LPP: variants seen among roughly 807,000 people sequenced by gnomAD.
LPP encodes LIM domain containing preferred translocation partner in lipoma.
A neutral mutation model predicts 60.4 loss-of-function variants in LPP; 38 were observed. The observed-to-expected ratio is 0.63, with a 90% CI of 0.49 to 0.83. The LOEUF (loss-of-function observed/expected upper bound fraction) is 0.83, where lower values mean the gene tolerates loss of function less well. LPP is among the 40% of genes least tolerant of loss of function. The probability of loss-of-function intolerance (pLI) is 0.00; values close to 1 mark genes in which losing one functional copy is unlikely to be tolerated. For missense variants in LPP, 902 were observed against 783.6 expected (o/e 1.15, Z -1.80); for synonymous variants, 328 against 290.8 (o/e 1.13, Z -1.30).
chr3:188,658,161 AACG>A (rs1853764577), intron 7 of LPP, among the ~76,000 whole-genome samples: 1 of 1,150 alleles, frequency 8.7e-4, no homozygotes, highest in African/African-American at 1.3e-3. Context: ...GTTTAGTTTT[AACG>A]ACAGAGTCTT....
At chr3:188,322,828 A>C (rs1462163988) in intron 2 of LPP, among the ~76,000 whole-genome samples, 1 of 152,208 alleles carries the variant, frequency 6.6e-6, no homozygotes, top group East Asian at 1.9e-4. Context: ...TGCCTCACAA[A>C]GTTGTGATAT....
intron 7 of LPP, among the ~76,000 whole-genome samples, chr3:188,681,761 C>A (rs1227985933): frequency 6.6e-6 from 1 of 152,166 alleles, no homozygotes; most frequent in African/African-American, 2.4e-5. Flanking sequence ...GACTTTTACG[C>A]CATTTTTCTA....
chr3:188,683,611 C>A (rs531710274), intron 7 of LPP, among the ~76,000 whole-genome samples: 1 of 152,174 alleles, frequency 6.6e-6, no homozygotes, highest in South Asian at 2.1e-4. Context: ...TGACTGTATA[C>A]CCTGATTATT....
At chr3:188,787,584 C>T (rs1322781307) in intron 9 of LPP, among the ~76,000 whole-genome samples, 1 of 152,192 alleles carries the variant, frequency 6.6e-6, no homozygotes, top group Non-Finnish European at 1.5e-5. Flanking sequence ...TAAGACTCTT[C>T]AGTCCTTATC....
At chr3:188,762,590 A>C (rs989174084) in intron 9 of LPP, among the ~76,000 whole-genome samples, 1 of 152,138 alleles carries the variant, frequency 6.6e-6, no homozygotes, top group African/African-American at 2.4e-5. Context: ...GTGTGGGCTC[A>C]AGTTTCTATC....
At chr3:188,532,196 CA>C (rs376887208) in intron 6 of LPP, among the ~76,000 whole-genome samples, 314 of 152,206 alleles carry the variant, frequency 2.1e-3, no homozygotes, top group African/African-American at 7.1e-3. Flanking sequence ...TGCTTGAGGT[CA>C]GGAGTTTGAG....
At chr3:188,608,666 C>T (rs960869668) in intron 6 of LPP, among the ~76,000 whole-genome samples, 2 of 152,070 alleles carry the variant, frequency 1.3e-5, no homozygotes, top group Non-Finnish European at 2.9e-5. Flanking sequence ...TTTTGTGGTT[C>T]CATGTGAGTT....
chr3:188,675,607 G>T (rs944731842), intron 7 of LPP, among the ~76,000 whole-genome samples: 1 of 152,194 alleles, frequency 6.6e-6, no homozygotes, highest in East Asian at 1.9e-4. Context: ...TTCTACTGTC[G>T]AGTGGCTTTA....
In LPP at chr3:188,609,472, G is replaced by C; in HGVS notation, c.741G>C (p.Gly247=). 1 of 1,614,140 alleles carries C rather than the reference G, an allele frequency of 6.2e-7. No homozygotes were observed. Among genetic ancestry groups the C allele is most frequent in the Non-Finnish European group, 8.5e-7 (1 of 1,180,030 alleles). Residue 247 remains glycine (G), a synonymous_variant, in exon 7 of 12, where the codon GGG becomes GGC. Coordinates refer to ENST00000617246, the MANE Select transcript of LPP (RefSeq NM_001375462.1). The surrounding 1 kb of genome is among the most constrained non-coding windows in gnomAD (Gnocchi z 6.9). ...CATCAGGACAAATTTATGGCTCAGG[G>C]CCCCAGGGCTATAACACTCAGCCAG... is the stretch of plus-strand genomic sequence containing the variant. ...APSSGQIYGS[G]PQGYNTQPVP...
At chr3:188,721,576 A>G (rs1716416391) in intron 8 of LPP, among the ~76,000 whole-genome samples, 1 of 152,112 alleles carries the variant, frequency 6.6e-6, no homozygotes, top group South Asian at 2.1e-4. Flanking sequence ...CAAAACAAAA[A>G]ACAAAGTTCA....
chr3:188,703,911 T>G (rs1864970248), intron 7 of LPP, among the ~76,000 whole-genome samples: 2 of 152,158 alleles, frequency 1.3e-5, no homozygotes, highest in African/African-American at 4.8e-5. Flanking sequence ...TGCTGCCTTG[T>G]CTATATTGAA....
intron 9 of LPP, among the ~76,000 whole-genome samples, chr3:188,820,170 A>T (rs1753577063): frequency 6.6e-6 from 1 of 152,220 alleles, no homozygotes; most frequent in South Asian, 2.1e-4. Context: ...GCTGTTAGCA[A>T]TAAATTATTG....
intron 6 of LPP, among the ~76,000 whole-genome samples, chr3:188,607,396 TATATATATATATATATATATAA>T (rs1370433421): frequency 2.6e-4 from 8 of 30,848 alleles, no homozygotes; most frequent in African/African-American, 8.9e-4. Flanking sequence ...TATATATATA[TATATATATATATATATATATAA>T]TTTTTTTTTC....
chr3:188,795,524 C>T (rs1390064253), intron 9 of LPP, among the ~76,000 whole-genome samples: 3 of 152,138 alleles, frequency 2.0e-5, no homozygotes, highest in African/African-American at 7.2e-5. Flanking sequence ...TTACAGTTTC[C>T]AGACTCATAA....
intron 1 of LPP, among the ~76,000 whole-genome samples, chr3:188,220,934 G>A (rs1205675029): frequency 1.3e-5 from 2 of 152,128 alleles, no homozygotes; most frequent in African/African-American, 2.4e-5. Flanking sequence ...TGCTATGCTT[G>A]GAAACTGACC....
intron 3 of LPP, among the ~76,000 whole-genome samples, chr3:188,400,984 TGAA>T (rs1282472159): frequency 1.3e-5 from 2 of 152,196 alleles, no homozygotes; most frequent in African/African-American, 4.8e-5. Flanking sequence ...AGGGCTGTAA[TGAA>T]GATTTTAGAG....
chr3:188,773,188 C>A (rs1736646563), intron 9 of LPP, among the ~76,000 whole-genome samples: 1 of 152,114 alleles, frequency 6.6e-6, no homozygotes, highest in African/African-American at 2.4e-5. Flanking sequence ...CCAGGGCTTA[C>A]TTAAAATAAG....
chr3:188,596,517 G>T (rs1240542096), intron 6 of LPP, among the ~76,000 whole-genome samples: 1 of 151,904 alleles, frequency 6.6e-6, no homozygotes, highest in African/African-American at 2.4e-5. Context: ...GTTAGAAGAA[G>T]AATTTTTTTC....
At chr3:188,458,049 T>G (rs748845211) in intron 4 of LPP, among the ~76,000 whole-genome samples, 1 of 152,214 alleles carries the variant, frequency 6.6e-6, no homozygotes, top group Non-Finnish European at 1.5e-5. Context: ...GTTCATTTCC[T>G]TAGGCAAACT....
Sources: allele counts gnomAD v4.1 joint callset (sites outside exome capture counted in the v4.1 genomes callset), GRCh38; gene constraint gnomAD v4.1.1; non-coding constraint Gnocchi (gnomAD v3.1); transcripts MANE v1.5; gene names NCBI Gene and HGNC (gene_info 2026-07-23, HGNC 2026-07-21).